The following SLC24A2 variants were observed in gnomAD, a reference collection of about 807,000 sequenced individuals.
The protein encoded by SLC24A2 is sodium/potassium/calcium exchanger 2.
Under a neutral mutation model 62.0 loss-of-function variants are expected in SLC24A2, and 36 were observed. That is an observed-to-expected ratio of 0.58 (90% CI 0.44 to 0.77). The LOEUF (loss-of-function observed/expected upper bound fraction) is 0.77. SLC24A2 is among the 30% of genes least tolerant of loss of function. The pLI is 0.00. For synonymous variants in SLC24A2, 358 were observed against 294.0 expected (o/e 1.22, Z -2.23); for missense variants, 846 against 817.9 (o/e 1.03, Z -0.42).
At chr9:19,633,011 G>A (rs1221210651) in intron 2 of SLC24A2, among the ~76,000 whole-genome samples, 3 of 152,044 alleles carry the variant, frequency 2.0e-5, no homozygotes, top group Non-Finnish European at 4.4e-5. Context: ...CCACTATTCT[G>A]TTATCAATTT....
chr9:20,110,099 A>G, the SLC24A2 span, among the ~76,000 whole-genome samples: 1 of 152,152 alleles, frequency 6.6e-6, no homozygotes, highest in East Asian at 1.9e-4. Flanking sequence ...GAAATCTAGT[A>G]CTACTCACTC....
the SLC24A2 span, among the ~76,000 whole-genome samples, chr9:20,070,528 G>T: frequency 6.6e-6 from 1 of 152,222 alleles, no homozygotes; most frequent in East Asian, 1.9e-4. Context: ...GCATATTCAG[G>T]TTAGAAAGGC....
the SLC24A2 span, among the ~76,000 whole-genome samples, chr9:20,274,921 G>A: frequency 1.9e-4 from 29 of 152,298 alleles, no homozygotes; most frequent in African/African-American, 6.3e-4. Context: ...CTAGCCGGAA[G>A]AGGTGACCCT....
intron 2 of SLC24A2, among the ~76,000 whole-genome samples, chr9:19,760,555 C>T (rs1822288792): frequency 6.6e-6 from 1 of 151,738 alleles, no homozygotes; most frequent in Non-Finnish European, 1.5e-5. Flanking sequence ...TGTGATGTTC[C>T]CCTCCCTATG....
the SLC24A2 span, among the ~76,000 whole-genome samples, chr9:20,147,013 A>T: frequency 6.6e-6 from 1 of 152,164 alleles, no homozygotes; most frequent in Non-Finnish European, 1.5e-5. Flanking sequence ...TATTATTTAA[A>T]GAATAACGTA....
chr9:19,845,033 T>G, the SLC24A2 span, among the ~76,000 whole-genome samples: 2 of 151,840 alleles, frequency 1.3e-5, no homozygotes, highest in African/African-American at 2.4e-5. Context: ...TAGAATAGCG[T>G]TTTTTAATTC....
the SLC24A2 span, among the ~76,000 whole-genome samples, chr9:20,043,012 G>C: frequency 6.6e-6 from 1 of 152,164 alleles, no homozygotes; most frequent in South Asian, 2.1e-4. Flanking sequence ...TCCTAGACAC[G>C]ATATGGAAAT....
the SLC24A2 span, among the ~76,000 whole-genome samples, chr9:19,879,617 C>A: frequency 1.3e-5 from 2 of 152,022 alleles, no homozygotes; most frequent in East Asian, 1.9e-4. Flanking sequence ...TCTCCCCAAG[C>A]CAAAAATGCA....
chr9:20,119,725 T>C, the SLC24A2 span, among the ~76,000 whole-genome samples: 8 of 152,200 alleles, frequency 5.3e-5, no homozygotes, highest in Non-Finnish European at 1.2e-4. Context: ...TCATCTTTTC[T>C]GTTCAGCATT....
At chr9:19,559,048 C>G (rs1467252516) in intron 7 of SLC24A2, among the ~76,000 whole-genome samples, 3 of 152,158 alleles carry the variant, frequency 2.0e-5, no homozygotes, top group Non-Finnish European at 4.4e-5. Flanking sequence ...TCTTTTACAA[C>G]ATGGTTGTTA....
At chr9:20,149,876 C>G in the SLC24A2 span, among the ~76,000 whole-genome samples, 3 of 151,920 alleles carry the variant, frequency 2.0e-5, no homozygotes, top group African/African-American at 7.3e-5. Flanking sequence ...GCTACGGATA[C>G]AGCCCCTTCC....
intron 2 of SLC24A2, among the ~76,000 whole-genome samples, chr9:19,741,410 C>T (rs1481362838): frequency 6.6e-6 from 1 of 152,198 alleles, no homozygotes; most frequent in Non-Finnish European, 1.5e-5. Flanking sequence ...GGTTGCATTG[C>T]CTTCTCTTCA....
At chr9:20,021,327 T>TA in the SLC24A2 span, among the ~76,000 whole-genome samples, 2 of 151,876 alleles carry the variant, frequency 1.3e-5, no homozygotes, top group African/African-American at 4.8e-5. Flanking sequence ...TTAAGGTTTT[T>TA]ATGAAGAATT....
the SLC24A2 span, among the ~76,000 whole-genome samples, chr9:20,278,389 T>C: frequency 6.6e-6 from 1 of 152,208 alleles, no homozygotes; most frequent in African/African-American, 2.4e-5. Flanking sequence ...TGAATGCTTT[T>C]ATGAACAACC....
At chr9:20,102,616 C>T in the SLC24A2 span, among the ~76,000 whole-genome samples, 1 of 150,852 alleles carries the variant, frequency 6.6e-6, no homozygotes, top group Non-Finnish European at 1.5e-5. Flanking sequence ...ACATTCTGCA[C>T]ATGTATCCCA....
chr9:20,219,267 A>G, the SLC24A2 span, among the ~76,000 whole-genome samples: 2 of 152,172 alleles, frequency 1.3e-5, no homozygotes, highest in African/African-American at 4.8e-5. Flanking sequence ...ACCAGCAGGC[A>G]GATGCTGACA....
the SLC24A2 span, among the ~76,000 whole-genome samples, chr9:20,205,613 T>G: frequency 7.8e-6 from 1 of 127,858 alleles, no homozygotes; most frequent in Non-Finnish European, 1.5e-5. Context: ...ATCACACCAC[T>G]GCACTCCAGG....
chr9:19,768,695 T>A (rs1822591624), intron 2 of SLC24A2, among the ~76,000 whole-genome samples: 1 of 152,234 alleles, frequency 6.6e-6, no homozygotes, highest in Non-Finnish European at 1.5e-5. Flanking sequence ...CTTAAACTCA[T>A]GAATTGTTTA....
chr9:20,269,894 C>T, the SLC24A2 span, among the ~76,000 whole-genome samples: 1 of 152,154 alleles, frequency 6.6e-6, no homozygotes, highest in Non-Finnish European at 1.5e-5. Context: ...AATACCTGAG[C>T]CTGAGTAATT....
Sources: gnomAD v4.1 joint callset for allele counts (sites outside exome capture counted in the v4.1 genomes callset) on GRCh38, gnomAD v4.1.1 for gene constraint, MANE v1.5 for transcripts, NCBI Gene and HGNC (gene_info 2026-07-23, HGNC 2026-07-21) for gene names.